The following IGF2BP3 variants were observed in gnomAD, a reference collection of about 807,000 sequenced individuals.
The protein encoded by IGF2BP3 is insulin-like growth factor 2 mRNA-binding protein 3.
IGF2BP3 carries 9 observed loss-of-function variants against 73.8 expected under a neutral mutation model. That is an observed-to-expected ratio of 0.12 (90% confidence interval 0.07 to 0.21). The LOEUF is 0.21. IGF2BP3 is among the 10% of genes least tolerant of loss of function. The probability of loss-of-function intolerance (pLI) is 1.00; values close to 1 mark genes in which losing one functional copy is unlikely to be tolerated. For synonymous variants in IGF2BP3, 258 were observed against 256.7 expected (o/e 1.01, Z -0.05); for missense variants, 542 against 714.0 (o/e 0.76, Z 2.75).
chr7:23,317,603 T>C, intron 12 of IGF2BP3, 36 bp downstream of exon 12: 1 of 1,521,536 alleles, frequency 6.6e-7, no homozygotes, highest in Non-Finnish European at 9.1e-7. Flanking sequence ...GTGCATTTGT[T>C]ACCTGTGGAC....
intron 2 of IGF2BP3, among the ~76,000 whole-genome samples, chr7:23,421,745 G>C (rs2128537007): frequency 6.6e-6 from 1 of 150,992 alleles, no homozygotes; most frequent in Middle Eastern, 3.5e-3. Flanking sequence ...ATGAAGGTAT[G>C]ATTTACTACA....
chr7:23,462,328 C>A (rs902357738), intron 2 of IGF2BP3, among the ~76,000 whole-genome samples: 1 of 151,984 alleles, frequency 6.6e-6, no homozygotes, highest in African/African-American at 2.4e-5. Flanking sequence ...AGGCTCCTTT[C>A]AGCTTATAGT....
chr7:23,340,765 C>T (rs1371459937), intron 10 of IGF2BP3, among the ~76,000 whole-genome samples: 1 of 152,134 alleles, frequency 6.6e-6, no homozygotes, highest in African/African-American at 2.4e-5. Context: ...TATTTTCATA[C>T]CATCACTAGT....
intron 3 of IGF2BP3, among the ~76,000 whole-genome samples, chr7:23,380,157 CTTTTTTTT>C (rs10571084): frequency 1.3e-4 from 9 of 71,800 alleles, no homozygotes; most frequent in South Asian, 5.5e-4. Context: ...CACTATGCCT[CTTTTTTTT>C]TTTTTTTTTT....
intron 11 of IGF2BP3, among the ~76,000 whole-genome samples, chr7:23,318,856 C>G (rs971098220): frequency 3.3e-5 from 5 of 152,134 alleles, no homozygotes; most frequent in African/African-American, 1.2e-4. Flanking sequence ...CAAGAGGGAC[C>G]AAGGCCGTAC....
At chr7:23,420,463 GTGACAACCTGTCTC>G (rs1787313529) in intron 2 of IGF2BP3, among the ~76,000 whole-genome samples, 4 of 152,028 alleles carry the variant, frequency 2.6e-5, no homozygotes. Flanking sequence ...GGGCAACAGA[GTGACAACCTGTCTC>G]AAAAAGAAAA....
intron 3 of IGF2BP3, among the ~76,000 whole-genome samples, chr7:23,374,973 G>A (rs1383531490): frequency 3.9e-5 from 6 of 151,996 alleles, no homozygotes; most frequent in African/African-American, 9.7e-5. Flanking sequence ...CTGACTTCCC[G>A]CAACAATTTT....
At chr7:23,438,364 T>A (rs1157718026) in intron 2 of IGF2BP3, among the ~76,000 whole-genome samples, 1 of 152,140 alleles carries the variant, frequency 6.6e-6, no homozygotes, top group Non-Finnish European at 1.5e-5. Context: ...TCTGCCCCCC[T>A]TGGCATTCCC....
chr7:23,313,742 G>T lies in IGF2BP3; in HGVS notation c.1396-89C>A, dbSNP rs142557375. 265 of 1,309,068 alleles carry T rather than the reference G, an allele frequency of 2.0e-4. No homozygotes were observed. In the African/African-American group the frequency reaches 3.3e-3, roughly 16 times the overall value. 81.1% of individuals were successfully genotyped at this position (1,309,068 alleles called of 1,614,324 possible). A position where few individuals can be genotyped will look rare whatever the true frequency, so the allele number is the denominator to read the frequency against. On this transcript the variant is annotated intron_variant, in intron 12 of 14. Coordinates refer to ENST00000258729, the MANE Select transcript of IGF2BP3 (RefSeq NM_006547.3). ...TGAAAGATGGCCCAAATCCAAGTGG[G>T]ATAGCCCTTTGCAGTGATACATCTA...
At chr7:23,392,527 T>TACAC (rs368379331) in intron 3 of IGF2BP3, among the ~76,000 whole-genome samples, 2,790 of 149,124 alleles carry the variant, frequency 0.019, 95 homozygotes, top group African/African-American at 0.066. Flanking sequence ...CACACACACA[T>TACAC]ACACACACAC....
At chr7:23,393,571 A>T (rs191439885) in intron 3 of IGF2BP3, among the ~76,000 whole-genome samples, 114 of 152,290 alleles carry the variant, frequency 7.5e-4, no homozygotes, top group Middle Eastern at 3.4e-3. Flanking sequence ...GTGGAGGGGA[A>T]TCTGGGAGGG....
chr7:23,426,389 A>T (rs927577699), intron 2 of IGF2BP3, among the ~76,000 whole-genome samples: 1 of 151,950 alleles, frequency 6.6e-6, no homozygotes, highest in African/African-American at 2.4e-5. Context: ...AAAAAATTTA[A>T]TGAGCAAAAC....
Position 23,469,904 on chromosome 7 carries a change from G to GAGAGCCCGGGTGGGGCC in IGF2BP3, c.175+15_175+31dup. ...TGGGCGGGCGGTGCAGGGCTGGGGC[G>GAGAGCCCGGGTGGGGCC]AGAGCCCGGGTGGGGCCAGGCCCGG... On this transcript the variant is annotated intron_variant, in intron 1 of 14. Transcript: ENST00000258729. The surrounding 1 kb of genome is among the most constrained non-coding windows in gnomAD (Gnocchi z 6.1). 1 of 1,561,792 alleles carries GAGAGCCCGGGTGGGGCC rather than the reference G, an allele frequency of 6.4e-7. No homozygotes were observed. Among genetic ancestry groups the GAGAGCCCGGGTGGGGCC allele is most frequent in the Non-Finnish European group, 8.6e-7 (1 of 1,156,322 alleles).
At chr7:23,466,083 A>C (rs1788561086) in intron 2 of IGF2BP3, among the ~76,000 whole-genome samples, 1 of 150,600 alleles carries the variant, frequency 6.6e-6, no homozygotes, top group Admixed American at 6.6e-5. Flanking sequence ...GTGAAGTGGC[A>C]CGATGGCTCA....
chr7:23,322,129 C>A (rs1042265455), intron 10 of IGF2BP3, among the ~76,000 whole-genome samples: 2 of 152,082 alleles, frequency 1.3e-5, no homozygotes, highest in Middle Eastern at 3.4e-3. Context: ...CTGTGAGCTA[C>A]GGGAGGAAAT....
In IGF2BP3 at chr7:23,350,815, A is replaced by G. The variant is rs547474443; in HGVS notation, c.683+490T>C. Among the ~76,000 whole-genome samples the G allele has an allele frequency of 6.6e-5, 10 of 152,368 alleles. No homozygotes were observed. In the South Asian group the frequency reaches 2.1e-3, roughly 32 times the overall value. On this transcript the variant is annotated intron_variant, in intron 6 of 14. Transcript: ENST00000258729. ...TTAAAACCATCAAAAAATATCCAGA[A>G]GAAAAAGCCATTCTAATTACATGGC...
intron 3 of IGF2BP3, among the ~76,000 whole-genome samples, chr7:23,372,231 C>T (rs576886213): frequency 1.3e-5 from 2 of 152,136 alleles, no homozygotes; most frequent in South Asian, 2.1e-4. Context: ...CGTGCCTCCA[C>T]CCCCGGCTGA....
At chr7:23,397,800 T>G (rs1157426572) in intron 3 of IGF2BP3, among the ~76,000 whole-genome samples, 1 of 152,198 alleles carries the variant, frequency 6.6e-6, no homozygotes, top group African/African-American at 2.4e-5. Flanking sequence ...TGGTCCCAAA[T>G]ATATCTACCT....
At chr7:23,331,846 C>T (rs1239653767) in intron 10 of IGF2BP3, among the ~76,000 whole-genome samples, 8 of 136,894 alleles carry the variant, frequency 5.8e-5, no homozygotes, top group East Asian at 2.1e-4. Flanking sequence ...GGTGACAGAG[C>T]GAAACTGTCT....
Sources: gnomAD v4.1 joint callset for allele counts (sites outside exome capture counted in the v4.1 genomes callset) on GRCh38, gnomAD v4.1.1 for gene constraint, Gnocchi (gnomAD v3.1) non-coding constraint, MANE v1.5 for transcripts, NCBI Gene and HGNC (gene_info 2026-07-23, HGNC 2026-07-21) for gene names.